The following PRDM2 variants were observed in gnomAD, a reference collection of about 807,000 sequenced individuals.
PRDM2 encodes PR domain zinc finger protein 2.
A neutral mutation model predicts 130.0 loss-of-function variants in PRDM2; 30 were observed. The observed-to-expected ratio is 0.23, with a 90% confidence interval of 0.17 to 0.31. The LOEUF (loss-of-function observed/expected upper bound fraction) is 0.31. Ranked by LOEUF, PRDM2 falls within the 10% of genes least tolerant of loss-of-function variation. PRDM2 has a pLI of 1.00. For missense variants in PRDM2, 2,011 were observed against 2,108.4 expected (o/e 0.95, Z 0.90); for synonymous variants, 871 against 782.4 (o/e 1.11, Z -1.89).
intron 2 of PRDM2, among the ~76,000 whole-genome samples, chr1:13,718,543 G>A (rs771477154): frequency 6.6e-6 from 1 of 152,108 alleles, no homozygotes; most frequent in Non-Finnish European, 1.5e-5. Context: ...CTCCCTCTGA[G>A]CCCAGCTCTC....
chr1:13,730,977 T>C (rs1643085612), intron 2 of PRDM2, 23 bp from the exon 3 acceptor site: 1 of 1,488,680 alleles, frequency 6.7e-7, no homozygotes, highest in Admixed American at 2.1e-5. Flanking sequence ...TTTGCTGTGA[T>C]CCTTCCATTT....
At chr1:13,805,872 G>A (rs1050106873) in intron 8 of PRDM2, among the ~76,000 whole-genome samples, 1 of 152,072 alleles carries the variant, frequency 6.6e-6, no homozygotes, top group Non-Finnish European at 1.5e-5. Flanking sequence ...GAAGAGCACC[G>A]TGGCCACGTG....
Position 13,782,121 on chromosome 1 carries a change from G to A in PRDM2, c.4326G>A (p.Gln1442=). Residue 1442 remains glutamine (Q), a synonymous_variant, in exon 8 of 10, where the codon CAG becomes CAA. Coordinates refer to ENST00000311066, the MANE Select transcript of PRDM2 (RefSeq NM_001393986.1). ...TTCAGAAAAACAAATCTGCAAAGCA[G>A]AAGGCCGACTTGAAAAATGCTTGTG... ...AILQKNKSAK[Q]KADLKNACES... is the part of the protein sequence containing the mutation. 2 of 1,613,940 alleles carry A rather than the reference G, an allele frequency of 1.2e-6. No individual in the cohort carries two copies. The highest frequency in any genetic ancestry group is 1.7e-5 in the Admixed American group (1 of 60,014).
At chr1:13,727,938 G>T (rs531108072) in intron 2 of PRDM2, among the ~76,000 whole-genome samples, 2 of 152,252 alleles carry the variant, frequency 1.3e-5, no homozygotes, top group South Asian at 4.1e-4. Context: ...GTGGGGGAGA[G>T]AATTTTTTGA....
At chr1:13,732,953 A>C (rs1643155610) in intron 4 of PRDM2, 71 bp downstream of exon 4, 1 of 1,084,444 alleles carries the variant, frequency 9.2e-7, no homozygotes, top group African/African-American at 1.6e-5. Context: ...TCAGAATTTG[A>C]CATTTTGAAT....
chr1:13,813,003 C>T (rs1645197759), intron 8 of PRDM2, among the ~76,000 whole-genome samples: 1 of 152,138 alleles, frequency 6.6e-6, no homozygotes, highest in Non-Finnish European at 1.5e-5. Flanking sequence ...TTATTAGAGG[C>T]CACCCCCAGG....
chr1:13,758,026 A>G (rs900236725), intron 6 of PRDM2, among the ~76,000 whole-genome samples: 1 of 152,104 alleles, frequency 6.6e-6, no homozygotes, highest in African/African-American at 2.4e-5. Context: ...TTATCCCACA[A>G]TAGATTCTTA....
At chr1:13,799,319 T>G (rs1336909930) in intron 8 of PRDM2, among the ~76,000 whole-genome samples, 1 of 151,756 alleles carries the variant, frequency 6.6e-6, no homozygotes, top group Non-Finnish European at 1.5e-5. Context: ...GTGACGGGCG[T>G]CTGTAATCCC....
intron 8 of PRDM2, chr1:13,786,714 G>A (rs1175822943): frequency 9.0e-6 from 13 of 1,443,288 alleles, no homozygotes; most frequent in Admixed American, 8.0e-5. Context: ...GCTTCGGTGG[G>A]GGCCCAACGC....
intron 8 of PRDM2, among the ~76,000 whole-genome samples, chr1:13,785,829 G>C (rs936381900): frequency 3.4e-5 from 5 of 147,856 alleles, no homozygotes; most frequent in Admixed American, 2.7e-4. Flanking sequence ...CGGTGTTTTT[G>C]GGTTCTTTTT....
At chr1:13,812,818 T>C (rs1343051482) in intron 8 of PRDM2, among the ~76,000 whole-genome samples, 1 of 152,204 alleles carries the variant, frequency 6.6e-6, no homozygotes, top group Non-Finnish European at 1.5e-5. Context: ...ATGTGCTGGA[T>C]TCTTCCCAGA....
intron 8 of PRDM2, among the ~76,000 whole-genome samples, chr1:13,809,509 G>T (rs1645137832): frequency 6.6e-6 from 1 of 152,204 alleles, no homozygotes; most frequent in Non-Finnish European, 1.5e-5. Flanking sequence ...ACAGGAGCAG[G>T]GTGGAGTGGC....
At chr1:13,748,524 C>T (rs183406440) in intron 5 of PRDM2, among the ~76,000 whole-genome samples, 1 of 152,010 alleles carries the variant, frequency 6.6e-6, no homozygotes, top group Non-Finnish European at 1.5e-5. Flanking sequence ...GTATTGATAC[C>T]CTTGTAACTT....
rs1442280764 is a variant in PRDM2, at chr1:13,781,487, C to T, written c.3692C>T (p.Pro1231Leu). 5 of 1,613,050 alleles carry T rather than the reference C, an allele frequency of 3.1e-6. No homozygotes were observed. The highest frequency in any genetic ancestry group is 4.2e-6 in the Non-Finnish European group (5 of 1,179,776). The stretch of plus-strand genomic sequence containing the variant: ...GAGTTTGAAAGCGGGACTCTGAGGC[C>T]CCAGAACTTTACAGATCCCAGCAAG... ...HHEFESGTLR[P>L]QNFTDPSKAH... The change falls in exon 8 of 10, where the codon CCC (proline) becomes CTC (leucine). Residue 1231 changes from proline to leucine, a missense_variant. Around this residue, in one of 5 missense-constraint regions of PRDM2, gnomAD observed 229 missense variants for 364.1 expected, o/e 0.63. Transcript: ENST00000311066. This position sits in a 1 kb window ranked among gnomAD's most constrained non-coding sequence, Gnocchi z 6.1.
At chr1:13,815,071 G>T (rs902239656) in intron 8 of PRDM2, among the ~76,000 whole-genome samples, 5 of 152,166 alleles carry the variant, frequency 3.3e-5, no homozygotes, top group Non-Finnish European at 7.3e-5. Flanking sequence ...CAGTGAGCCT[G>T]TATGTATCAC....
At position 13,742,144 on chromosome 1, in the gene PRDM2, A is replaced by G. The variant is rs1643464463; in HGVS notation, c.371A>G (p.Tyr124Cys). 6.2e-7 allele frequency: 1 copy of G among 1,613,764 alleles called. No individual in the cohort carries two copies. Among genetic ancestry groups the G allele is most frequent in the East Asian group, 2.2e-5 (1 of 44,892 alleles). ...FPLEINRAIY[Y>C]KTLKPIAPGE... Reference sequence around the variant, plus strand: ...CTGGAAATCAACAGAGCCATTTACTATAAAACTTTAAAGGTAACAGCATTA... The same window carrying G: ...CTGGAAATCAACAGAGCCATTTACTGTAAAACTTTAAAGGTAACAGCATTA... The change falls in exon 5 of 10, where the codon TAT (tyrosine) becomes TGT (cysteine). Residue 124 changes from tyrosine (Y) to cysteine (C), a missense_variant. Around this residue, in one of 5 missense-constraint regions of PRDM2, gnomAD observed 1,288 missense variants for 1,237.7 expected, o/e 1.04. Coordinates refer to ENST00000311066, the MANE Select transcript of PRDM2 (RefSeq NM_001393986.1).
At chr1:13,778,310 C>G in intron 7 of PRDM2, 108 bp from the exon 8 acceptor site, 6 of 1,144,084 alleles carry the variant, frequency 5.2e-6, no homozygotes, top group African/African-American at 1.6e-5. Context: ...CATCATCTCC[C>G]TTATGTTTTA....
intron 9 of PRDM2, among the ~76,000 whole-genome samples, chr1:13,817,070 A>C (rs1177149602): frequency 6.6e-6 from 1 of 152,240 alleles, no homozygotes; most frequent in Non-Finnish European, 1.5e-5. Context: ...AAGTCAAAAT[A>C]ATACAGGTGG....
intron 8 of PRDM2, among the ~76,000 whole-genome samples, chr1:13,805,913 C>T (rs541344147): frequency 6.6e-6 from 1 of 152,108 alleles, no homozygotes; most frequent in Admixed American, 6.5e-5. Context: ...AGCCCATGTC[C>T]TCTGAAAGCC....
Sources: gnomAD v4.1 joint callset for allele counts (sites outside exome capture counted in the v4.1 genomes callset) on GRCh38, gnomAD v4.1.1 for gene constraint, gnomAD v4.1.1 regional missense constraint, Gnocchi (gnomAD v3.1) non-coding constraint, MANE v1.5 for transcripts, NCBI Gene and HGNC (gene_info 2026-07-23, HGNC 2026-07-21) for gene names.